The following RASD2 variants were observed in gnomAD, a reference collection of about 807,000 sequenced individuals.
RASD2 encodes GTP-binding protein Rhes.
RASD2 carries 7 observed loss-of-function variants against 15.8 expected under a neutral mutation model. The observed-to-expected ratio is 0.44, with a 90% CI of 0.25 to 0.83. The LOEUF is 0.83. RASD2 is among the 40% of genes least tolerant of loss of function. The probability of loss-of-function intolerance (pLI) is 0.20; values close to 1 mark genes in which losing one functional copy is unlikely to be tolerated. For missense variants in RASD2, 274 were observed against 382.8 expected (o/e 0.72, Z 2.37); for synonymous variants, 155 against 153.6 (o/e 1.01, Z -0.07).
At chr22:35,546,651 G>T (rs1934509769) in intron 1 of RASD2, 150 bp from the exon 2 acceptor site, 2 of 1,003,246 alleles carry the variant, frequency 2.0e-6, no homozygotes, top group Admixed American at 5.8e-5. Context: ...TGAATGAGAG[G>T]GTAGAACTCC....
chr22:35,541,018 G>A lies in RASD2; in HGVS notation c.-492G>A, dbSNP rs1373064043. On this transcript the variant is annotated 5_prime_UTR_variant, in exon 1 of 3. Transcript: ENST00000216127. ...CGGAGAAGGTGGCATAGGCGACCAG[G>A]AGGGTTCGCCCACCTGGGACACGCA... 1 of 152,270 alleles carries A rather than the reference G, an allele frequency of 6.6e-6. No homozygotes were observed. Among genetic ancestry groups the A allele is most frequent in the Non-Finnish European group, 1.5e-5 (1 of 68,206 alleles). 9.4% of individuals were successfully genotyped at this position (152,270 alleles called of 1,614,324 possible). A position where few individuals can be genotyped will look rare whatever the true frequency, so the allele number is the denominator to read the frequency against.
At chr22:35,547,776 G>A (rs915350171) in intron 2 of RASD2, among the ~76,000 whole-genome samples, 3 of 152,092 alleles carry the variant, frequency 2.0e-5, no homozygotes, top group South Asian at 2.1e-4. Context: ...CACCATGCCC[G>A]GCTAATTTTT....
At chr22:35,533,800 C>T in the RASD2 span, among the ~76,000 whole-genome samples, 3 of 109,734 alleles carry the variant, frequency 2.7e-5, no homozygotes, top group Admixed American at 9.6e-5. Flanking sequence ...GGGATGATGA[C>T]AGTGATGATT....
In RASD2 at chr22:35,552,082, C is replaced by T. The variant is rs770326363; in HGVS notation, c.*50C>T. 2 of 1,549,812 alleles carry T rather than the reference C, an allele frequency of 1.3e-6. No individual in the cohort carries two copies. Among genetic ancestry groups the T allele is most frequent in the South Asian group, 2.4e-5 (2 of 84,590 alleles). ...GGCCAGTGCCTTCAGGGAGGTGGCC[C>T]CAGATGCCCACTGTGCGCATCTCCC... is the stretch of plus-strand genomic sequence containing the variant. On this transcript the variant is annotated 3_prime_UTR_variant, in exon 3 of 3. Transcript: ENST00000216127.
At chr22:35,548,590 C>T (rs1934575272) in intron 2 of RASD2, among the ~76,000 whole-genome samples, 1 of 152,198 alleles carries the variant, frequency 6.6e-6, no homozygotes, top group South Asian at 2.1e-4. Context: ...CACTCCCAGC[C>T]CTGCTGCCGC....
the RASD2 span, among the ~76,000 whole-genome samples, chr22:35,532,917 C>T: frequency 1.3e-5 from 2 of 152,170 alleles, no homozygotes; most frequent in Non-Finnish European, 2.9e-5. Context: ...GGAGGTGGTT[C>T]CTGTAGCAGA....
intron 2 of RASD2, among the ~76,000 whole-genome samples, chr22:35,549,195 T>C (rs566093528): frequency 1.6e-4 from 24 of 152,102 alleles, no homozygotes; most frequent in Non-Finnish European, 2.9e-4. Context: ...CAGTCTGGCA[T>C]GGAGCCTTCC....
upstream of RASD2, among the ~76,000 whole-genome samples, chr22:35,540,373 G>C (rs1048270165): frequency 1.0e-4 from 15 of 149,762 alleles, no homozygotes; most frequent in African/African-American, 2.9e-4. Flanking sequence ...GCAGACCGCG[G>C]CGCCCCGGAG....
At chr22:35,540,138 G>A (rs57025623), upstream of RASD2, among the ~76,000 whole-genome samples, 50,946 of 152,140 alleles carry the variant, frequency 0.33, 8,951 homozygotes, top group African/African-American at 0.45. Context: ...TTCCGCGAAG[G>A]AGGAGGGCGC....
At chr22:35,533,738 G>C in the RASD2 span, among the ~76,000 whole-genome samples, 2 of 152,240 alleles carry the variant, frequency 1.3e-5, no homozygotes, top group East Asian at 3.9e-4. Context: ...TGATAGTGAT[G>C]ATGGGGAAGA....
At chr22:35,546,653 T>C (rs1030353839) in intron 1 of RASD2, 148 bp from the exon 2 acceptor site, 3 of 1,030,128 alleles carry the variant, frequency 2.9e-6, no homozygotes, top group Non-Finnish European at 4.1e-6. Flanking sequence ...AATGAGAGGG[T>C]AGAACTCCAA....
intron 1 of RASD2, among the ~76,000 whole-genome samples, chr22:35,541,909 T>C (rs1441367129): frequency 1.3e-5 from 2 of 152,222 alleles, no homozygotes; most frequent in Non-Finnish European, 2.9e-5. Flanking sequence ...GGCTGCAGCC[T>C]GCATTACCTG....
intron 2 of RASD2, among the ~76,000 whole-genome samples, chr22:35,548,156 G>A (rs1934565148): frequency 6.6e-6 from 1 of 152,184 alleles, no homozygotes. Context: ...CTGTGCCCTT[G>A]TTTACACTGC....
rs770210823 is a variant in RASD2 at position 35,546,814 on chromosome 22, T to C, written c.5T>C (p.Met2Thr). M[M>T]KTLSSGNCTL... ...GCTTTGTTGCAGCCCCGAGCCATGA[T>C]GAAGACTTTGTCCAGCGGGAACTGC... Residue 2 changes from methionine to threonine, a missense_variant, in exon 2 of 3, where the codon ATG (methionine) becomes ACG (threonine). Coordinates refer to ENST00000216127, the MANE Select transcript of RASD2 (RefSeq NM_014310.4). 1.2e-6 allele frequency: 2 copies of C among 1,613,412 alleles called. No individual in the cohort carries two copies. The highest frequency in any genetic ancestry group is 2.2e-5 in the East Asian group (1 of 44,868).
At position 35,552,260 on chromosome 22, in the gene RASD2, G is replaced by C. The variant is rs1934691151; in HGVS notation, c.*228G>C. 3 of 596,504 alleles carry C rather than the reference G, an allele frequency of 5.0e-6. No homozygotes were observed. In the South Asian group the frequency reaches 6.5e-5, roughly 13 times the overall value. 37.0% of individuals were successfully genotyped at this position (596,504 alleles called of 1,614,324 possible). A position where few individuals can be genotyped will look rare whatever the true frequency, so the allele number is the denominator to read the frequency against. On this transcript the variant is annotated 3_prime_UTR_variant, in exon 3 of 3. Coordinates refer to ENST00000216127, the MANE Select transcript of RASD2 (RefSeq NM_014310.4). Reference sequence around the variant, plus strand: ...TGGTGGTTTCATCTCCTCTGTGGGAGGACACATCTCTGCAGCCTCAAGAGT... The same window carrying C: ...TGGTGGTTTCATCTCCTCTGTGGGACGACACATCTCTGCAGCCTCAAGAGT...
At chr22:35,543,779 C>T (rs1170366659) in intron 1 of RASD2, among the ~76,000 whole-genome samples, 2 of 152,008 alleles carry the variant, frequency 1.3e-5, no homozygotes, top group Non-Finnish European at 2.9e-5. Context: ...ATTTCTGACT[C>T]CTTGCCTCCT....
chr22:35,544,876 T>G (rs1021247343), intron 1 of RASD2, among the ~76,000 whole-genome samples: 1 of 152,242 alleles, frequency 6.6e-6, no homozygotes, highest in Non-Finnish European at 1.5e-5. Context: ...TAGGTTAACA[T>G]GTGTGCAGCA....
chr22:35,540,098 G>C (rs533004218), upstream of RASD2, among the ~76,000 whole-genome samples: 4 of 152,232 alleles, frequency 2.6e-5, no homozygotes, highest in Non-Finnish European at 4.4e-5. Flanking sequence ...GGGACAGGCA[G>C]GTTGGACACC....
At chr22:35,542,362 G>A (rs2145868205) in intron 1 of RASD2, among the ~76,000 whole-genome samples, 1 of 152,380 alleles carries the variant, frequency 6.6e-6, no homozygotes, top group East Asian at 1.9e-4. Flanking sequence ...TGCGGGTCAA[G>A]AGCTGGGTCA....
Sources: allele counts gnomAD v4.1 joint callset (sites outside exome capture counted in the v4.1 genomes callset), GRCh38; gene constraint gnomAD v4.1.1; transcripts MANE v1.5; gene names NCBI Gene and HGNC (gene_info 2026-07-23, HGNC 2026-07-21).